The following KIAA0319 variants were observed in gnomAD, a reference collection of about 807,000 sequenced individuals.
KIAA0319 encodes the protein KIAA0319.
KIAA0319 carries 83 observed loss-of-function variants against 108.4 expected under a neutral mutation model. The observed-to-expected ratio is 0.77, with a 90% CI of 0.64 to 0.92. The LOEUF is 0.92. Ranked by LOEUF, KIAA0319 falls within the 40% of genes least tolerant of loss-of-function variation. The pLI is 0.00. For synonymous variants in KIAA0319, 484 were observed against 510.4 expected (o/e 0.95, Z 0.70); for missense variants, 1,195 against 1,322.4 (o/e 0.90, Z 1.49).
At position 24,596,037 on chromosome 6, in the gene KIAA0319, G is replaced by A. The variant is rs1332933053; in HGVS notation, c.637C>T (p.Pro213Ser). Residue 213 changes from proline (P) to serine (S), a missense_variant, in exon 3 of 21, where the codon CCT (proline) becomes TCT (serine). Physicochemically the swap from Pro to Ser is moderately conservative, Grantham distance 74. Transcript: ENST00000378214. The part of the protein sequence containing the change: ...PAVPAETQQD[P>S]ELHYLNESAS... ...GACTCATTCAGGTAATGGAGCTCAG[G>A]GTCCTGCTGCGTCTCCGCTGGCACC... 1 of 1,614,002 alleles carries A rather than the reference G, an allele frequency of 6.2e-7. No individual in the cohort carries two copies. The highest frequency in any genetic ancestry group is 2.2e-5 in the East Asian group (1 of 44,888).
At position 24,588,597 on chromosome 6, in the gene KIAA0319, C is replaced by G; in HGVS notation, c.990G>C (p.Arg330Ser). Residue 330 changes from arginine to serine, a missense_variant, in exon 4 of 21, where the codon AGG becomes AGC. By Grantham distance (110) the Arg-to-Ser change is moderately radical. Transcript: ENST00000378214. ...ATTGTATTTTTTAAAAGTTACCTGT[C>G]CTGGGAGCAGTGGTAGGAGATATGG... is the stretch of plus-strand genomic sequence containing the variant. Reference protein sequence around the residue: ...ELPISPTTAPRTVKELTVSAG... With the variant: ...ELPISPTTAPSTVKELTVSAG... 6.2e-7 allele frequency: 1 copy of G among 1,612,390 alleles called. No homozygotes were observed. The highest frequency in any genetic ancestry group is 8.5e-7 in the Non-Finnish European group (1 of 1,178,676).
At chr6:24,609,123 C>T (rs1038745743) in intron 1 of KIAA0319, among the ~76,000 whole-genome samples, 4 of 150,496 alleles carry the variant, frequency 2.7e-5, no homozygotes, top group Non-Finnish European at 4.4e-5. Flanking sequence ...CAAAAATTAG[C>T]TGAGTGTGGT....
intron 13 of KIAA0319, among the ~76,000 whole-genome samples, chr6:24,567,324 A>T (rs1764043453): frequency 6.6e-6 from 1 of 152,206 alleles, no homozygotes; most frequent in African/African-American, 2.4e-5. Context: ...CAACACAACA[A>T]GTCTCCATCT....
At chr6:24,552,763 G>A (rs775315265) in intron 19 of KIAA0319, among the ~76,000 whole-genome samples, 3 of 152,026 alleles carry the variant, frequency 2.0e-5, no homozygotes, top group Admixed American at 6.6e-5. Flanking sequence ...GCACCACCAC[G>A]CCCAGCTAAT....
chr6:24,547,152 A>G lies in KIAA0319; in HGVS notation c.*13T>C, dbSNP rs1394573024. 14 of 1,613,726 alleles carry G rather than the reference A, an allele frequency of 8.7e-6. No homozygotes were observed. Among genetic ancestry groups the G allele is most frequent in the East Asian group, 2.2e-5 (1 of 44,888 alleles). On this transcript the variant is annotated 3_prime_UTR_variant, in exon 21 of 21. Coordinates refer to ENST00000378214, the MANE Select transcript of KIAA0319 (RefSeq NM_014809.4). ...ATTCAAGGGGTCCTTCCACTTTACA[A>G]TGAACTGCGCCATTATCTGTCCTTT...
intron 1 of KIAA0319, among the ~76,000 whole-genome samples, chr6:24,635,945 G>A (rs138411792): frequency 1.3e-5 from 2 of 152,272 alleles, no homozygotes; most frequent in East Asian, 3.9e-4. Context: ...TATTATGAAA[G>A]AATAACAAAC....
chr6:24,568,994 C>A, intron 12 of KIAA0319, 65 bp from the exon 13 acceptor site: 1 of 1,492,530 alleles, frequency 6.7e-7, no homozygotes, highest in African/African-American at 1.4e-5. Flanking sequence ...GACAGGCATG[C>A]GATTTGTGCT....
intron 5 of KIAA0319, chr6:24,582,959 ATC>A: frequency 2.3e-6 from 1 of 437,182 alleles, no homozygotes. Context: ...AAATATTATC[ATC>A]TCTGTGTATA....
intron 2 of KIAA0319, chr6:24,598,224 A>G: frequency 3.7e-6 from 2 of 540,072 alleles, no homozygotes; most frequent in Non-Finnish European, 3.4e-6. Context: ...AGGGCATCAC[A>G]GCCATCACAG....
chr6:24,628,690 C>T (rs1169311351), intron 1 of KIAA0319, among the ~76,000 whole-genome samples: 2 of 152,182 alleles, frequency 1.3e-5, no homozygotes, highest in Non-Finnish European at 2.9e-5. Flanking sequence ...ATCAGCTGGG[C>T]CATGTCCCTC....
intron 16 of KIAA0319, among the ~76,000 whole-genome samples, chr6:24,562,823 A>T (rs943814797): frequency 2.6e-4 from 40 of 152,366 alleles, no homozygotes; most frequent in African/African-American, 9.4e-4. Context: ...TAGGCAACAG[A>T]GCGAGACCCT....
rs2817243 is a variant in KIAA0319 at position 24,545,368 on chromosome 6, A to C, written c.*1797T>G. The C allele has an allele frequency of 0.08, 12,162 of 152,176 alleles. 694 individuals are homozygous for C. Among genetic ancestry groups the C allele is most frequent in the African/African-American group, 0.16 (6,455 of 41,484 alleles). 9.4% of individuals were successfully genotyped at this position (152,176 alleles called of 1,614,324 possible). On this transcript the variant is annotated 3_prime_UTR_variant, in exon 21 of 21. Transcript: ENST00000378214. ...TATGTAAACTGCATATGTTATGTAC[A>C]TAAAGCGGTAAATGTTCACTCCCTT...
intron 1 of KIAA0319, among the ~76,000 whole-genome samples, chr6:24,626,325 A>T (rs1774710177): frequency 6.6e-6 from 1 of 152,186 alleles, no homozygotes; most frequent in Non-Finnish European, 1.5e-5. Flanking sequence ...TGAGGGCAGG[A>T]TTTTGAGACC....
intron 1 of KIAA0319, among the ~76,000 whole-genome samples, chr6:24,602,539 G>A (rs958152076): frequency 1.3e-4 from 20 of 152,152 alleles, no homozygotes; most frequent in Non-Finnish European, 2.6e-4. Context: ...GGTGGCTCAC[G>A]CCTGTAATCC....
At chr6:24,643,886 G>A (rs1249249558) in intron 1 of KIAA0319, among the ~76,000 whole-genome samples, 1 of 152,208 alleles carries the variant, frequency 6.6e-6, no homozygotes, top group Non-Finnish European at 1.5e-5. Flanking sequence ...GAGCCTTAGA[G>A]GGTTTAGAGA....
intron 9 of KIAA0319, 148 bp from the exon 10 acceptor site, chr6:24,576,744 ACT>A (rs977598381): frequency 1.3e-5 from 8 of 637,280 alleles, no homozygotes; most frequent in Non-Finnish European, 1.9e-5. Context: ...ATAGAAGGAG[ACT>A]CTGTCTCTAT....
intron 4 of KIAA0319, among the ~76,000 whole-genome samples, chr6:24,587,366 T>C (rs1036590402): frequency 6.6e-6 from 1 of 152,104 alleles, no homozygotes; most frequent in African/African-American, 2.4e-5. Flanking sequence ...CTGCAAGCTT[T>C]GCCTCCCGGG....
chr6:24,625,916 G>T (rs1215624439), intron 1 of KIAA0319, among the ~76,000 whole-genome samples: 1 of 152,110 alleles, frequency 6.6e-6, no homozygotes, highest in Non-Finnish European at 1.5e-5. Context: ...AAGAAGTAAA[G>T]ACAACCTAAA....
intron 20 of KIAA0319, among the ~76,000 whole-genome samples, chr6:24,547,616 A>T (rs1760815183): frequency 6.6e-6 from 1 of 152,134 alleles, no homozygotes; most frequent in African/African-American, 2.4e-5. Context: ...CTCCTCCTCT[A>T]TTCAACTGGA....
Sources: gnomAD v4.1 joint callset for allele counts (sites outside exome capture counted in the v4.1 genomes callset) on GRCh38, gnomAD v4.1.1 for gene constraint, MANE v1.5 for transcripts, NCBI Gene and HGNC (gene_info 2026-07-23, HGNC 2026-07-21) for gene names.